Variants in ADPGK observed in about 807,000 individuals in gnomAD.
ADPGK encodes the protein ADP dependent glucokinase.
In ADPGK, 26 loss-of-function variants were observed where a neutral mutation model predicts 42.4. The observed-to-expected ratio is 0.61, with a 90% confidence interval of 0.45 to 0.85. The LOEUF (loss-of-function observed/expected upper bound fraction) is 0.85, where lower values mean the gene tolerates loss of function less well. Ranked by LOEUF, ADPGK falls within the 40% of genes least tolerant of loss-of-function variation. ADPGK has a pLI of 0.00. For missense variants in ADPGK, 571 were observed against 627.0 expected, an observed-to-expected ratio of 0.91 and a Z score of 0.95; for synonymous variants, 267 against 252.6, an observed-to-expected ratio of 1.06 and a Z score of -0.54.
intron 6 of ADPGK, among the ~76,000 whole-genome samples, chr15:72,753,613 A>G (rs576731374): frequency 9.2e-5 from 14 of 152,312 alleles, no homozygotes; most frequent in Non-Finnish European, 1.5e-5. Context: ...CATGTATAAA[A>G]TGGTTTTAAA....
intron 2 of ADPGK, among the ~76,000 whole-genome samples, chr15:72,772,518 C>T (rs1271980729): frequency 1.3e-5 from 2 of 152,176 alleles, no homozygotes; most frequent in East Asian, 3.9e-4. Context: ...ACATCTCAGC[C>T]TTCACAACCG....
intron 4 of ADPGK, among the ~76,000 whole-genome samples, chr15:72,759,333 T>C (rs552855213): frequency 6.6e-6 from 1 of 152,350 alleles, no homozygotes; most frequent in Admixed American, 6.5e-5. Context: ...CTATTACTCT[T>C]ACTTCCCATT....
At chr15:72,776,068 A>G (rs773990588) in intron 1 of ADPGK, among the ~76,000 whole-genome samples, 1 of 152,172 alleles carries the variant, frequency 6.6e-6, no homozygotes, top group African/African-American at 2.4e-5. Context: ...ATTTTCACAT[A>G]TAAGTACTTA....
chr15:72,756,828 T>C (rs570713977), intron 4 of ADPGK: 41 of 196,482 alleles, frequency 2.1e-4, no homozygotes, highest in African/African-American at 9.1e-4. Flanking sequence ...GTATAGGCTG[T>C]CATTGTTTAA....
In ADPGK at chr15:72,783,618, G is replaced by A. The variant is rs1397438643; in HGVS notation, c.74C>T (p.Pro25Leu). Reference protein sequence around the residue: ...LAVGCVFLLEPELPGSALRSL... With the variant: ...LAVGCVFLLELELPGSALRSL... ...GCGCAGCGCCGAGCCTGGCAGCTCT[G>A]GCTCCAGCAGGAAGACGCAGCCCAC... is the stretch of plus-strand genomic sequence containing the variant. Residue 25 changes from proline (P) to leucine (L), a missense_variant, in exon 1 of 7, where the codon CCA becomes CTA. By Grantham distance (98) the Pro-to-Leu change is moderately conservative (BLOSUM62 -3). Around this residue, in one of 2 missense-constraint regions of ADPGK, gnomAD observed 137 missense variants for 104.2 expected, o/e 1.31. Transcript: ENST00000456471. 6.6e-7 allele frequency: 1 copy of A among 1,515,416 alleles called. No individual in the cohort carries two copies. The highest frequency in any genetic ancestry group is 8.8e-7 in the Non-Finnish European group (1 of 1,139,744). The allele number at this position is 1,515,416 out of a possible 1,614,324, so 93.9% of individuals were successfully genotyped here.
rs769072544 is a variant in ADPGK, at chr15:72,783,447, G to A, written c.233+12C>T. ...TCGGAGGCTCAGAGACCCAGGCCCC[G>A]TTGGCACTCACCCCACTGCCACGCG... On this transcript the variant is annotated intron_variant, in intron 1 of 6. Coordinates refer to ENST00000456471, the MANE Select transcript of ADPGK (RefSeq NM_001365225.1). 3.7e-6 allele frequency: 5 copies of A among 1,355,714 alleles called. No homozygotes were observed. Among genetic ancestry groups the A allele is most frequent in the Non-Finnish European group, 4.7e-6 (5 of 1,059,632 alleles). The allele number at this position is 1,355,714 out of a possible 1,614,324, so 84.0% of individuals were successfully genotyped here.
intron 1 of ADPGK, 82 bp downstream of exon 1, chr15:72,783,377 G>A (rs1029502424): frequency 7.6e-7 from 1 of 1,308,836 alleles, no homozygotes. Flanking sequence ...GGACCTCTGA[G>A]AAGCCCTGTT....
At chr15:72,770,564 A>G (rs2066316598) in intron 3 of ADPGK, among the ~76,000 whole-genome samples, 1 of 152,144 alleles carries the variant, frequency 6.6e-6, no homozygotes, top group South Asian at 2.1e-4. Flanking sequence ...TCTTCCACCC[A>G]TTAGCTGGTA....
At chr15:72,770,915 T>C (rs1385640949) in intron 3 of ADPGK, among the ~76,000 whole-genome samples, 1 of 152,142 alleles carries the variant, frequency 6.6e-6, no homozygotes, top group Admixed American at 6.6e-5. Context: ...TTTAGGCTGG[T>C]CCCCCAAAAC....
chr15:72,776,286 C>T (rs143966939), intron 1 of ADPGK, among the ~76,000 whole-genome samples: 7 of 152,236 alleles, frequency 4.6e-5, no homozygotes, highest in African/African-American at 9.6e-5. Context: ...GAGGTCTTCC[C>T]GCCCCTACCC....
intron 3 of ADPGK, among the ~76,000 whole-genome samples, chr15:72,764,614 G>C (rs2066235341): frequency 6.6e-6 from 1 of 152,204 alleles, no homozygotes; most frequent in African/African-American, 2.4e-5. Flanking sequence ...AAAAGATCTA[G>C]CTAAGATCAC....
At chr15:72,779,076 T>C (rs536053186) in intron 1 of ADPGK, among the ~76,000 whole-genome samples, 5 of 151,992 alleles carry the variant, frequency 3.3e-5, no homozygotes, top group African/African-American at 4.8e-5. Flanking sequence ...GAAACCCACG[T>C]AGGAAGTATA....
chr15:72,759,273 G>A (rs938178688), intron 4 of ADPGK, among the ~76,000 whole-genome samples: 8 of 152,080 alleles, frequency 5.3e-5, no homozygotes, highest in Non-Finnish European at 8.8e-5. Flanking sequence ...CAATGTTTCC[G>A]CACACCAACC....
chr15:72,780,351 C>T, intron 1 of ADPGK, among the ~76,000 whole-genome samples: 1 of 152,110 alleles, frequency 6.6e-6, no homozygotes, highest in South Asian at 2.1e-4. Context: ...CTCATGAGAA[C>T]GAACTCACTA....
intron 6 of ADPGK, among the ~76,000 whole-genome samples, chr15:72,754,897 T>G (rs2151069212): frequency 6.6e-6 from 1 of 152,306 alleles, no homozygotes; most frequent in East Asian, 1.9e-4. Flanking sequence ...ACAAAAGAAC[T>G]CTGGAAATAA....
At position 72,752,415 on chromosome 15, in the gene ADPGK, T is replaced by C. The variant is rs777887153; in HGVS notation, c.1420A>G (p.Ile474Val). Residue 474 changes from isoleucine to valine, a missense_variant, in exon 7 of 7, where the codon ATT (isoleucine) becomes GTT (valine). Physicochemically the swap from Ile to Val is conservative, Grantham distance 29. This residue lies in a region of ADPGK where 434 missense variants were observed against 522.7 expected (regional missense o/e 0.83). Coordinates refer to ENST00000456471, the MANE Select transcript of ADPGK (RefSeq NM_001365225.1). ...GCATCTCCAAGGCCTACAGTTCGAA[T>C]GGGGTCTTTACACACCAATACTGGT... ...FTPVLVCKDPIRTVGLGDAIS... is the reference protein window; with the variant it reads ...FTPVLVCKDPVRTVGLGDAIS... 1 of 1,614,038 alleles carries C rather than the reference T, an allele frequency of 6.2e-7. No homozygotes were observed. The highest frequency in any genetic ancestry group is 8.5e-7 in the Non-Finnish European group (1 of 1,180,032).
In ADPGK at chr15:72,783,684, A is replaced by G. The variant is rs1352820298; in HGVS notation, c.8T>C (p.Leu3Pro). 2.7e-6 allele frequency: 4 copies of G among 1,486,260 alleles called. No individual in the cohort carries two copies. The highest frequency in any genetic ancestry group is 1.8e-4 in the Middle Eastern group (1 of 5,440). 92.1% of individuals were successfully genotyped at this position (1,486,260 alleles called of 1,614,324 possible). A position where few individuals can be genotyped will look rare whatever the true frequency, so the allele number is the denominator to read the frequency against. Residue 3 changes from leucine to proline, a missense_variant, in exon 1 of 7, where the codon CTG (leucine) becomes CCG (proline). Physicochemically the swap from Leu to Pro is moderately conservative, Grantham distance 98. Around this residue, in one of 2 missense-constraint regions of ADPGK, gnomAD observed 137 missense variants for 104.2 expected, o/e 1.31. Coordinates refer to ENST00000456471, the MANE Select transcript of ADPGK (RefSeq NM_001365225.1). Reference sequence around the variant, plus strand: ...GCCCGCGTACGCGGAGCCGCGCCACAGCGCCATGGGGACCCAGGCGCCGCA... The same window carrying G: ...GCCCGCGTACGCGGAGCCGCGCCACGGCGCCATGGGGACCCAGGCGCCGCA... MA[L>P]WRGSAYAGFL...
Position 72,752,854 on chromosome 15 carries a change from C to T in ADPGK, c.981G>A (p.Gln327=). The change falls in exon 7 of 7, where the codon CAG becomes CAA. Residue 327 remains glutamine, a synonymous_variant. Coordinates refer to ENST00000456471, the MANE Select transcript of ADPGK (RefSeq NM_001365225.1). ...PAVTSLGLNE[Q]ELLFLTQSAS... ...CTGACTGGGTGAGAAATAACAGCTC[C>T]TGTTCATTCAGCCCAAGGGAAGTCA... 4 of 1,614,156 alleles carry T rather than the reference C, an allele frequency of 2.5e-6. No individual in the cohort carries two copies. Among genetic ancestry groups the T allele is most frequent in the Non-Finnish European group, 3.4e-6 (4 of 1,180,024 alleles).
intron 3 of ADPGK, among the ~76,000 whole-genome samples, chr15:72,767,800 C>A (rs982380974): frequency 2.0e-5 from 3 of 152,122 alleles, no homozygotes; most frequent in Admixed American, 6.5e-5. Flanking sequence ...CTTTGGGATG[C>A]AGCTAAAGCA....
Sources: gnomAD v4.1 joint callset for allele counts (sites outside exome capture counted in the v4.1 genomes callset) on GRCh38, gnomAD v4.1.1 for gene constraint, gnomAD v4.1.1 regional missense constraint, MANE v1.5 for transcripts, NCBI Gene and HGNC (gene_info 2026-07-23, HGNC 2026-07-21) for gene names.